The following GLG1 variants were observed in gnomAD, a reference collection of about 807,000 sequenced individuals.
The protein encoded by GLG1 is Golgi apparatus protein 1.
In GLG1, 38 loss-of-function variants were observed where a neutral mutation model predicts 160.5. That is an observed-to-expected ratio of 0.24 (90% CI 0.18 to 0.31). The LOEUF (loss-of-function observed/expected upper bound fraction) is 0.31, where lower values mean the gene tolerates loss of function less well. Among genes scored for constraint, GLG1 ranks in the 10% least tolerant of loss-of-function variants. The probability of loss-of-function intolerance (pLI) is 1.00; values close to 1 mark genes in which losing one functional copy is unlikely to be tolerated. For missense variants in GLG1, 1,373 were observed against 1,505.2 expected (o/e 0.91, Z 1.45); for synonymous variants, 644 against 543.4 (o/e 1.19, Z -2.57).
intron 1 of GLG1, among the ~76,000 whole-genome samples, chr16:74,597,931 G>T (rs192967580): frequency 6.6e-6 from 1 of 151,378 alleles, no homozygotes; most frequent in East Asian, 1.9e-4. Context: ...CAGGAGAATC[G>T]CTTGAACCCG....
At chr16:74,540,463 C>T (rs183238926) in intron 1 of GLG1, among the ~76,000 whole-genome samples, 19 of 151,836 alleles carry the variant, frequency 1.3e-4, no homozygotes, top group Admixed American at 1.1e-3. Context: ...TTTAGGGAAA[C>T]ATTTAGAGAT....
At chr16:74,506,292 C>CT (rs1383516304) in intron 3 of GLG1, among the ~76,000 whole-genome samples, 4 of 151,436 alleles carry the variant, frequency 2.6e-5, no homozygotes, top group Non-Finnish European at 5.9e-5. Context: ...TAAAACATCT[C>CT]AAGAGGCCAG....
intron 1 of GLG1, among the ~76,000 whole-genome samples, chr16:74,587,140 C>T (rs1372502159): frequency 6.6e-6 from 1 of 152,058 alleles, no homozygotes; most frequent in Non-Finnish European, 1.5e-5. Flanking sequence ...CCATTGTGAA[C>T]GAGACACAAT....
intron 1 of GLG1, among the ~76,000 whole-genome samples, chr16:74,562,553 G>A (rs750680424): frequency 3.3e-5 from 5 of 152,094 alleles, no homozygotes; most frequent in Admixed American, 6.5e-5. Context: ...TCCACCTCCC[G>A]GGTTCAAGCA....
At chr16:74,595,334 G>A (rs1033377981) in intron 1 of GLG1, among the ~76,000 whole-genome samples, 7 of 149,980 alleles carry the variant, frequency 4.7e-5, no homozygotes, top group African/African-American at 1.7e-4. Flanking sequence ...TCAGGAGATC[G>A]AGACCATCCT....
intron 1 of GLG1, among the ~76,000 whole-genome samples, chr16:74,600,731 C>CAA (rs56122377): frequency 1.7e-3 from 192 of 112,416 alleles, no homozygotes; most frequent in Non-Finnish European, 2.1e-3. Context: ...GATTCCACCT[C>CAA]AAAAAAAAAA....
intron 1 of GLG1, among the ~76,000 whole-genome samples, chr16:74,573,690 A>G (rs1297317722): frequency 1.4e-5 from 2 of 147,278 alleles, no homozygotes; most frequent in African/African-American, 5.1e-5. Context: ...GTCGCACACT[A>G]CTGAGCCTGG....
chr16:74,546,326 C>T (rs2018044989), intron 1 of GLG1, among the ~76,000 whole-genome samples: 1 of 152,062 alleles, frequency 6.6e-6, no homozygotes, highest in African/African-American at 2.4e-5. Flanking sequence ...GTAGTCCCAG[C>T]TCCTTGGGTG....
rs750661777 is a variant in GLG1, at chr16:74,462,497, A to G, written c.2925T>C (p.Tyr975=). Residue 975 remains tyrosine, a synonymous_variant, in exon 21 of 26, where the codon TAT becomes TAC. Coordinates refer to ENST00000422840, the MANE Select transcript of GLG1 (RefSeq NM_001145667.2). ...GCCCAGGCCAGTTTACCTGGTCAGC[A>G]TATCTCAGCTTCAGGCAAGAGATGA... The part of the protein sequence containing the change: ...GQVISCLKLR[Y]ADQRLSSDCE... The G allele has an allele frequency of 1.1e-5, 18 of 1,613,782 alleles. No homozygotes were observed. The highest frequency in any genetic ancestry group is 2.2e-5 in the East Asian group (1 of 44,872).
chr16:74,591,559 C>T (rs1401052606), intron 1 of GLG1, among the ~76,000 whole-genome samples: 1 of 151,854 alleles, frequency 6.6e-6, no homozygotes, highest in Admixed American at 6.6e-5. Context: ...ACCCGGGAGG[C>T]GGAGCTTGCA....
chr16:74,496,732 ACAC>A lies in GLG1; in HGVS notation c.775-91_775-89del, dbSNP rs1180255206. 5 of 759,778 alleles carry A rather than the reference ACAC, an allele frequency of 6.6e-6. No individual in the cohort carries two copies. The Admixed American group carries it at 9.6e-5, about 15-fold the overall frequency. The allele number at this position is 759,778 out of a possible 1,614,324, so 47.1% of individuals were successfully genotyped here. A position where few individuals can be genotyped will look rare whatever the true frequency, so the allele number is the denominator to read the frequency against. The stretch of plus-strand genomic sequence containing the variant: ...TTTGGCTACACACACACACACACAC[ACAC>A]ACACACACACACAAAGTAATAAAAC... On this transcript the variant is annotated intron_variant, in intron 4 of 25. Coordinates refer to ENST00000422840, the MANE Select transcript of GLG1 (RefSeq NM_001145667.2).
chr16:74,491,344 A>T (rs2015977814), intron 7 of GLG1, 129 bp from the exon 8 acceptor site: 1 of 706,390 alleles, frequency 1.4e-6, no homozygotes, highest in Non-Finnish European at 2.4e-6. Context: ...CTAACATCTG[A>T]AAAGTTTAGA....
At chr16:74,599,421 TA>T (rs1240511111) in intron 1 of GLG1, among the ~76,000 whole-genome samples, 1 of 152,094 alleles carries the variant, frequency 6.6e-6, no homozygotes, top group East Asian at 1.9e-4. Context: ...GGAAGAATCT[TA>T]AGAGATAATC....
intron 1 of GLG1, among the ~76,000 whole-genome samples, chr16:74,546,246 C>G (rs992734214): frequency 6.6e-6 from 1 of 152,102 alleles, no homozygotes; most frequent in African/African-American, 2.4e-5. Context: ...CCAGACCATC[C>G]TGAGCAACAT....
intron 2 of GLG1, among the ~76,000 whole-genome samples, chr16:74,526,121 A>G (rs1269256356): frequency 2.0e-5 from 3 of 152,266 alleles, no homozygotes; most frequent in African/African-American, 7.2e-5. Context: ...AAAATAGTAT[A>G]TAAGTAACAA....
rs1461648848 is a variant in GLG1 at position 74,542,719 on chromosome 16, AAGGAAGGAAGGAAGGG to A, written c.439-10582_439-10567del. Among the ~76,000 whole-genome samples, 143 of 29,038 alleles carry A rather than the reference AAGGAAGGAAGGAAGGG, an allele frequency of 4.9e-3. 11 individuals are homozygous for A. Among genetic ancestry groups the A allele is most frequent in the African/African-American group, 0.021 (138 of 6,428 alleles). 19.1% of individuals were successfully genotyped at this position (29,038 alleles called of 152,430 possible). On this transcript the variant is annotated intron_variant, in intron 1 of 25. Transcript: ENST00000422840. ...GAGGGAGGGAGGAAGGGAAGAAGGGAAGGAAGGAAGGAAGGGAGGAAGGAAGGAAGGAAGGAAGGAA... is the reference window on the plus strand; with the variant it reads ...GAGGGAGGGAGGAAGGGAAGAAGGGAAGGAAGGAAGGAAGGAAGGAAGGAA...
At chr16:74,491,858 A>G (rs1484970227) in intron 7 of GLG1, among the ~76,000 whole-genome samples, 1 of 150,770 alleles carries the variant, frequency 6.6e-6, no homozygotes, top group Non-Finnish European at 1.5e-5. Flanking sequence ...CGATCTCCTG[A>G]CCTCGTGATC....
At chr16:74,535,949 C>T (rs548995798) in intron 1 of GLG1, among the ~76,000 whole-genome samples, 3 of 151,806 alleles carry the variant, frequency 2.0e-5, no homozygotes, top group African/African-American at 7.3e-5. Context: ...AGAGAGAGAA[C>T]GAAATATAAA....
intron 17 of GLG1, chr16:74,468,553 G>A: frequency 5.2e-6 from 1 of 192,250 alleles, no homozygotes; most frequent in Non-Finnish European, 1.1e-5. Context: ...TTTTAGTACA[G>A]GCAGGGTTTC....
Sources: gnomAD v4.1 joint callset for allele counts (sites outside exome capture counted in the v4.1 genomes callset) on GRCh38, gnomAD v4.1.1 for gene constraint, MANE v1.5 for transcripts, NCBI Gene and HGNC (gene_info 2026-07-23, HGNC 2026-07-21) for gene names.